COLGALT2: variants seen among roughly 807,000 people sequenced by gnomAD.
COLGALT2 encodes the protein procollagen galactosyltransferase 2.
Under a neutral mutation model 73.4 loss-of-function variants are expected in COLGALT2, and 49 were observed. That is an observed-to-expected ratio of 0.67 (90% CI 0.53 to 0.85). COLGALT2 has a LOEUF of 0.85. COLGALT2 is among the 40% of genes least tolerant of loss of function. The pLI is 0.00. For synonymous variants in COLGALT2, 295 were observed against 307.6 expected (o/e 0.96, Z 0.43); for missense variants, 722 against 790.2 (o/e 0.91, Z 1.03).
At chr1:183,970,769 G>A (rs931835093) in intron 4 of COLGALT2, among the ~76,000 whole-genome samples, 2 of 152,144 alleles carry the variant, frequency 1.3e-5, no homozygotes, top group African/African-American at 2.4e-5. Flanking sequence ...TAAGGTCTAT[G>A]AACCTATTTT....
At chr1:183,984,145 ACG>A (rs1671425697) in intron 1 of COLGALT2, among the ~76,000 whole-genome samples, 1 of 152,222 alleles carries the variant, frequency 6.6e-6, no homozygotes. Flanking sequence ...ACAGTGGCTC[ACG>A]CCTGTAATCC....
chr1:184,023,474 C>G (rs181771507), intron 1 of COLGALT2, among the ~76,000 whole-genome samples: 1 of 152,322 alleles, frequency 6.6e-6, no homozygotes, highest in African/African-American at 2.4e-5. Context: ...TGAATTCCAA[C>G]TGGCAGGTTC....
At chr1:184,002,145 A>T (rs535474787) in intron 1 of COLGALT2, among the ~76,000 whole-genome samples, 28 of 152,372 alleles carry the variant, frequency 1.8e-4, no homozygotes, top group African/African-American at 6.5e-4. Flanking sequence ...TGCTCACTGT[A>T]CATCCATCCT....
chr1:183,945,292 G>T, intron 9 of COLGALT2, 140 bp downstream of exon 9: 1 of 1,026,748 alleles, frequency 9.7e-7, no homozygotes, highest in Non-Finnish European at 1.4e-6. Context: ...GTCAGAGGGA[G>T]ACACAAGGCA....
At chr1:183,934,664 G>C (rs759442244), downstream of COLGALT2, among the ~76,000 whole-genome samples, 3 of 152,144 alleles carry the variant, frequency 2.0e-5, no homozygotes, top group Non-Finnish European at 4.4e-5. Context: ...TCTTTCCTCT[G>C]TTTAGTTGGC....
intron 1 of COLGALT2, among the ~76,000 whole-genome samples, chr1:184,035,580 T>G (rs918913051): frequency 6.6e-6 from 1 of 152,200 alleles, no homozygotes; most frequent in African/African-American, 2.4e-5. Flanking sequence ...AAAGAGGTAA[T>G]GTCTCTAAAT....
intron 1 of COLGALT2, among the ~76,000 whole-genome samples, chr1:184,018,440 T>A (rs1402785264): frequency 6.6e-6 from 1 of 152,190 alleles, no homozygotes; most frequent in Non-Finnish European, 1.5e-5. Flanking sequence ...TTGTTCTAAC[T>A]GGTGTGTTAT....
At chr1:183,975,588 T>C (rs1160789141) in intron 2 of COLGALT2, among the ~76,000 whole-genome samples, 1 of 152,248 alleles carries the variant, frequency 6.6e-6, no homozygotes, top group Non-Finnish European at 1.5e-5. Context: ...CTCATGTTCC[T>C]AGACAATTTT....
chr1:183,958,839 C>A (rs890164494), intron 6 of COLGALT2, among the ~76,000 whole-genome samples: 4 of 151,472 alleles, frequency 2.6e-5, no homozygotes, highest in Admixed American at 2.6e-4. Context: ...TGGCATAAAA[C>A]ATACTGTTAT....
intron 1 of COLGALT2, among the ~76,000 whole-genome samples, chr1:183,991,030 T>C (rs919024929): frequency 1.3e-5 from 2 of 152,278 alleles, no homozygotes; most frequent in African/African-American, 4.8e-5. Context: ...ATATACATCA[T>C]GTGCTGGCCT....
At chr1:184,019,522 C>G (rs1000802136) in intron 1 of COLGALT2, among the ~76,000 whole-genome samples, 6 of 152,124 alleles carry the variant, frequency 3.9e-5, no homozygotes, top group Non-Finnish European at 1.5e-5. Context: ...GCAGATTGTT[C>G]TTAATACACA....
intron 6 of COLGALT2, among the ~76,000 whole-genome samples, chr1:183,963,289 T>C (rs1196242326): frequency 6.6e-6 from 1 of 152,198 alleles, no homozygotes; most frequent in Non-Finnish European, 1.5e-5. Context: ...AGGTAACATC[T>C]CATTGTTTTT....
intron 6 of COLGALT2, among the ~76,000 whole-genome samples, chr1:183,963,075 G>T (rs1386541464): frequency 6.6e-6 from 1 of 152,182 alleles, no homozygotes; most frequent in Admixed American, 6.5e-5. Flanking sequence ...AGGTGGATTG[G>T]TTACTTTCTC....
Position 183,945,466 on chromosome 1 carries a change from C to T in COLGALT2, c.1235G>A (p.Gly412Asp). The T allele has an allele frequency of 6.2e-7, 1 of 1,614,186 alleles. No individual in the cohort carries two copies. The highest frequency in any genetic ancestry group is 2.2e-5 in the East Asian group (1 of 44,892). Reference protein sequence around the residue: ...SSRPLTRGEIGCFLSHYSVWK... With the variant: ...SSRPLTRGEIDCFLSHYSVWK... ...GACTGAGTAGTGGCTGAGAAAGCAG[C>T]CGATTTCACCCCTTGTTAGAGGCCT... is the stretch of plus-strand genomic sequence containing the variant. Residue 412 changes from glycine to aspartate, a missense_variant, in exon 9 of 12, where the codon GGC becomes GAC. Gly to Asp is a moderately conservative substitution (Grantham distance 94, BLOSUM62 -1). Coordinates refer to ENST00000361927, the MANE Select transcript of COLGALT2 (RefSeq NM_015101.4).
At position 183,961,997 on chromosome 1, in the gene COLGALT2, A is replaced by T. The variant is rs539848793; in HGVS notation, c.952+1904T>A. The stretch of plus-strand genomic sequence containing the variant: ...AACAAATATTTGCTGGGCATCTACC[A>T]CGTGACAGACAATGTGCTAGGTCCT... On this transcript the variant is annotated intron_variant, in intron 6 of 11. Transcript: ENST00000361927. 2.2e-4 allele frequency among the ~76,000 whole-genome samples: 33 copies of T among 152,298 alleles called. 1 individual carries two copies. The South Asian group carries it at 6.6e-3, about 31-fold the overall frequency.
chr1:183,940,669 C>T lies in COLGALT2; in HGVS notation c.1516G>A (p.Gly506Arg). The change falls in exon 11 of 12, where the codon GGA becomes AGA. Residue 506 changes from glycine (G) to arginine (R), a missense_variant. Gly to Arg is a moderately radical substitution (Grantham distance 125). Transcript: ENST00000361927. ...TTGGCTCCAACCAGCTTCTGTGCTC[C>T]TTCCAGAGAGATGACGTAGCCCAGG... is the stretch of plus-strand genomic sequence containing the variant. ...WTLGYVISLE[G>R]AQKLVGANPF... The T allele has an allele frequency of 1.2e-6, 2 of 1,614,190 alleles. No individual in the cohort carries two copies. Among genetic ancestry groups the T allele is most frequent in the Non-Finnish European group, 1.7e-6 (2 of 1,180,036 alleles).
intron 1 of COLGALT2, among the ~76,000 whole-genome samples, chr1:184,033,551 G>A (rs1649579226): frequency 6.6e-6 from 1 of 152,182 alleles, no homozygotes; most frequent in Non-Finnish European, 1.5e-5. Flanking sequence ...CTTATACAAA[G>A]TATCTCTAAA....
intron 1 of COLGALT2, among the ~76,000 whole-genome samples, chr1:184,000,656 C>G (rs554394837): frequency 6.6e-6 from 1 of 151,876 alleles, no homozygotes; most frequent in Non-Finnish European, 1.5e-5. Flanking sequence ...CATCTTAAGT[C>G]TTTATTATTT....
chr1:183,942,505 A>G (rs1312625903), intron 10 of COLGALT2, among the ~76,000 whole-genome samples: 1 of 152,254 alleles, frequency 6.6e-6, no homozygotes, highest in Non-Finnish European at 1.5e-5. Context: ...AAAATGACAT[A>G]TGTGGCTTGC....
Sources: allele counts gnomAD v4.1 joint callset (sites outside exome capture counted in the v4.1 genomes callset), GRCh38; gene constraint gnomAD v4.1.1; transcripts MANE v1.5; gene names NCBI Gene and HGNC (gene_info 2026-07-23, HGNC 2026-07-21).